The following CNGA1 variants were observed in gnomAD, a reference collection of about 807,000 sequenced individuals.
The protein encoded by CNGA1 is cyclic nucleotide gated channel subunit alpha 1.
A neutral mutation model predicts 69.7 loss-of-function variants in CNGA1; 53 were observed. The ratio of observed to expected loss-of-function variants is 0.76; its 90% CI spans 0.61 to 0.96. The LOEUF is 0.96. Among genes scored for constraint, CNGA1 ranks in the 40% least tolerant of loss-of-function variants. CNGA1 has a pLI of 0.00. For synonymous variants in CNGA1, 249 were observed against 283.5 expected, an observed-to-expected ratio of 0.88 and a Z score of 1.22; for missense variants, 739 against 811.2, an observed-to-expected ratio of 0.91 and a Z score of 1.08.
chr4:48,005,567 A>T (rs1018387241), intron 2 of CNGA1, among the ~76,000 whole-genome samples: 5 of 152,226 alleles, frequency 3.3e-5, no homozygotes, highest in African/African-American at 1.2e-4. Flanking sequence ...CCAGCCATGG[A>T]TTTGTACCAT....
intron 6 of CNGA1, 40 bp from the exon 7 acceptor site, chr4:47,943,452 C>T (rs1739218107): frequency 8.5e-7 from 1 of 1,183,262 alleles, no homozygotes. Context: ...TAATCACAGT[C>T]TTCCACTCTT....
At chr4:47,943,969 G>A (rs184330695) in intron 6 of CNGA1, among the ~76,000 whole-genome samples, 1 of 152,166 alleles carries the variant, frequency 6.6e-6, no homozygotes, top group South Asian at 2.1e-4. Flanking sequence ...CTTGAGTGGA[G>A]ACTGTGTAAC....
rs542860540 is a variant in CNGA1, at chr4:48,010,191, T to C, written c.-123+603A>G. On this transcript the variant is annotated intron_variant, in intron 2 of 10. Coordinates refer to ENST00000514170, the MANE Select transcript of CNGA1 (RefSeq NM_001379270.1). Reference sequence around the variant, plus strand: ...TCTGGTACTGCTAGAGGGAGATTGATGATGGATGCCAAATCAAACATAAAA... The same window carrying C: ...TCTGGTACTGCTAGAGGGAGATTGACGATGGATGCCAAATCAAACATAAAA... 3.9e-5 allele frequency among the ~76,000 whole-genome samples: 6 copies of C among 152,300 alleles called. 1 individual carries two copies. Among genetic ancestry groups the C allele is most frequent in the African/African-American group, 1.2e-4 (5 of 41,568 alleles).
rs1337127173 is a variant in CNGA1, at chr4:47,976,252, TACAC to T, written c.-15+5137_-15+5140del. Among the ~76,000 whole-genome samples, 55 of 47,060 alleles carry T rather than the reference TACAC, an allele frequency of 1.2e-3. 1 individual carries two copies. The highest frequency in any genetic ancestry group is 0.01 in the African/African-American group (51 of 4,944). The allele number at this position is 47,060 out of a possible 152,430, so 30.9% of individuals were successfully genotyped here. On this transcript the variant is annotated intron_variant, in intron 3 of 10. Transcript: ENST00000514170. ...ATATACATATATATGTATATATATATACACATACATATATATATACATATATATG... is the reference window on the plus strand; with the variant it reads ...ATATACATATATATGTATATATATATATACATATATATATACATATATATG...
chr4:47,964,112 G>T (rs910522171), intron 3 of CNGA1, among the ~76,000 whole-genome samples: 1 of 152,018 alleles, frequency 6.6e-6, no homozygotes. Context: ...GAAATTCTTC[G>T]CTGACTCCTT....
Position 47,991,159 on chromosome 4 carries a change from C to T in CNGA1, c.-122-9659G>A, listed in dbSNP as rs114138195. On this transcript the variant is annotated intron_variant, in intron 2 of 10. Transcript: ENST00000514170. ...CTTTTTGTATAACAACTTCTTTTCC[C>T]CTGGGTAGATACCGAGTACTGGGAT... 7.2e-3 allele frequency among the ~76,000 whole-genome samples: 1,093 copies of T among 152,192 alleles called. 8 individuals carry two copies. Among genetic ancestry groups the T allele is most frequent in the African/African-American group, 0.025 (1,031 of 41,556 alleles).
chr4:48,012,692 T>G (rs1033420166), intron 1 of CNGA1, among the ~76,000 whole-genome samples: 1 of 134,386 alleles, frequency 7.4e-6, no homozygotes, highest in Non-Finnish European at 1.7e-5. Context: ...TCAAGTTGGA[T>G]AGAGTTGATC....
chr4:47,978,145 T>C (rs1741515140), intron 3 of CNGA1, among the ~76,000 whole-genome samples: 1 of 152,128 alleles, frequency 6.6e-6, no homozygotes, highest in South Asian at 2.1e-4. Context: ...TTTTATCCTA[T>C]TTAATGATTA....
chr4:47,996,707 T>G (rs1004848472), intron 2 of CNGA1, among the ~76,000 whole-genome samples: 3 of 151,778 alleles, frequency 2.0e-5, no homozygotes, highest in Admixed American at 1.3e-4. Context: ...AAATCCAGAG[T>G]AAGGAAAAAA....
At chr4:48,011,871 C>T (rs969319950) in intron 1 of CNGA1, among the ~76,000 whole-genome samples, 3 of 152,060 alleles carry the variant, frequency 2.0e-5, no homozygotes, top group African/African-American at 7.2e-5. Flanking sequence ...ATTGTGGAGA[C>T]CAAAGTTCTT....
chr4:47,955,783 C>A (rs941156335), intron 3 of CNGA1, among the ~76,000 whole-genome samples: 5 of 152,238 alleles, frequency 3.3e-5, no homozygotes, highest in Non-Finnish European at 7.3e-5. Flanking sequence ...AATTGTGACA[C>A]ACACCATCTT....
chr4:47,963,791 A>G (rs929152556), intron 3 of CNGA1, among the ~76,000 whole-genome samples: 2 of 152,138 alleles, frequency 1.3e-5, no homozygotes, highest in African/African-American at 4.8e-5. Flanking sequence ...AATTCATAGG[A>G]CTCTTAAGTA....
chr4:48,013,958 C>T (rs561265786), intron 1 of CNGA1, among the ~76,000 whole-genome samples: 55 of 152,334 alleles, frequency 3.6e-4, no homozygotes, highest in Non-Finnish European at 6.8e-4. Context: ...CAGACCTCCC[C>T]AAGCTCGAAA....
At chr4:48,012,701 T>A (rs1219754058) in intron 1 of CNGA1, among the ~76,000 whole-genome samples, 1 of 142,154 alleles carries the variant, frequency 7.0e-6, no homozygotes, top group African/African-American at 2.5e-5. Flanking sequence ...ATAGAGTTGA[T>A]CAAACCCAAT....
chr4:47,971,714 T>C (rs1012522390), intron 3 of CNGA1, among the ~76,000 whole-genome samples: 3 of 152,028 alleles, frequency 2.0e-5, no homozygotes, highest in African/African-American at 7.2e-5. Context: ...GCCAACATGG[T>C]GAAATCCCGT....
At chr4:47,978,426 A>C (rs1222812751) in intron 3 of CNGA1, among the ~76,000 whole-genome samples, 1 of 152,114 alleles carries the variant, frequency 6.6e-6, no homozygotes, top group African/African-American at 2.4e-5. Context: ...TTCTTATTAA[A>C]TGTACTCTAT....
At chr4:47,952,368 A>AAAATAAAT (rs10665658) in intron 4 of CNGA1, among the ~76,000 whole-genome samples, 3,628 of 144,544 alleles carry the variant, frequency 0.025, 70 homozygotes, top group African/African-American at 0.035. Context: ...ACTCCATCTC[A>AAAATAAAT]AAATAAATAA....
intron 2 of CNGA1, among the ~76,000 whole-genome samples, chr4:47,991,382 A>G (rs878912775): frequency 6.6e-6 from 1 of 152,128 alleles, no homozygotes; most frequent in Admixed American, 6.5e-5. Context: ...TGCATTTCGC[A>G]TTGTGGTTTT....
chr4:48,006,128 G>C (rs1714905511), intron 2 of CNGA1, among the ~76,000 whole-genome samples: 1 of 152,024 alleles, frequency 6.6e-6, no homozygotes, highest in Non-Finnish European at 1.5e-5. Context: ...TTCCTATTCT[G>C]CTTGATATTC....
Sources: gnomAD v4.1 joint callset for allele counts (sites outside exome capture counted in the v4.1 genomes callset) on GRCh38, gnomAD v4.1.1 for gene constraint, MANE v1.5 for transcripts, NCBI Gene and HGNC (gene_info 2026-07-23, HGNC 2026-07-21) for gene names.